OSBPL9: variants seen among roughly 807,000 people sequenced by gnomAD.
OSBPL9 encodes oxysterol-binding protein-related protein 9.
A neutral mutation model predicts 106.6 loss-of-function variants in OSBPL9; 40 were observed. The observed-to-expected ratio is 0.38, with a 90% CI of 0.29 to 0.49. The LOEUF is 0.49. Ranked by LOEUF, OSBPL9 falls within the 20% of genes least tolerant of loss-of-function variation. The pLI is 0.97. For synonymous variants in OSBPL9, 269 were observed against 295.4 expected (o/e 0.91, Z 0.92); for missense variants, 609 against 887.2 (o/e 0.69, Z 3.98).
At chr1:51,785,672 G>T (rs1324406562) in intron 20 of OSBPL9, 136 bp from the exon 21 acceptor site, 3 of 681,558 alleles carry the variant, frequency 4.4e-6, no homozygotes, top group East Asian at 5.6e-5. Context: ...GGGGAGTCCA[G>T]TTCTGTTAAG....
chr1:51,782,490 T>G, intron 16 of OSBPL9, 69 bp from the exon 17 acceptor site: 2 of 1,395,202 alleles, frequency 1.4e-6, no homozygotes, highest in Non-Finnish European at 2.0e-6. Context: ...GAGACCCCAA[T>G]TACCAGATTC....
At chr1:51,571,687 G>C in the OSBPL9 span, among the ~76,000 whole-genome samples, 1 of 152,004 alleles carries the variant, frequency 6.6e-6, no homozygotes, top group African/African-American at 2.4e-5. Flanking sequence ...AAACAAAATT[G>C]AACAAAGTAT....
At chr1:51,650,861 A>G (rs1241481069) in intron 1 of OSBPL9, among the ~76,000 whole-genome samples, 1 of 152,250 alleles carries the variant, frequency 6.6e-6, no homozygotes, top group Admixed American at 6.5e-5. Context: ...ATGTAAACAT[A>G]GCACTTTTGC....
Position 51,781,268 on chromosome 1 carries a change from A to G in OSBPL9, c.1361A>G (p.Tyr454Cys), listed in dbSNP as rs1446310461. The part of the protein sequence containing the change: ...GRKGSVAKKP[Y>C]NPILGEIFQC... ...AAAGGATCAGTTGCCAAAAAGCCATACAATCCCATTTTGGGCGAGATTTTT... is the reference window on the plus strand; with the variant it reads ...AAAGGATCAGTTGCCAAAAAGCCATGCAATCCCATTTTGGGCGAGATTTTT... Residue 454 changes from tyrosine (Y) to cysteine (C), a missense_variant, in exon 16 of 24, where the codon TAC becomes TGC. Around this residue, in one of 5 missense-constraint regions of OSBPL9, gnomAD observed 356 missense variants for 505.8 expected, o/e 0.70. Coordinates refer to ENST00000428468, the MANE Select transcript of OSBPL9 (RefSeq NM_024586.6). 2 of 1,614,182 alleles carry G rather than the reference A, an allele frequency of 1.2e-6. No individual in the cohort carries two copies. Among genetic ancestry groups the G allele is most frequent in the Non-Finnish European group, 1.7e-6 (2 of 1,180,012 alleles).
the OSBPL9 span, chr1:51,569,729 G>A: frequency 6.6e-6 from 1 of 152,136 alleles, no homozygotes; most frequent in African/African-American, 2.4e-5. Context: ...ATAAAACTTG[G>A]CATGTTCACT....
chr1:51,540,831 C>T, the OSBPL9 span, among the ~76,000 whole-genome samples: 2 of 150,818 alleles, frequency 1.3e-5, no homozygotes, highest in Admixed American at 6.6e-5. Flanking sequence ...GGGTGGTGGG[C>T]GTCTGTAATC....
the OSBPL9 span, among the ~76,000 whole-genome samples, chr1:51,564,253 A>G: frequency 5.3e-5 from 8 of 152,034 alleles, no homozygotes; most frequent in African/African-American, 1.9e-4. Context: ...AGCACTTCCA[A>G]TCCCTCCTCT....
At chr1:51,783,879 G>A in intron 17 of OSBPL9, 36 bp from the exon 18 acceptor site, 5 of 1,443,828 alleles carry the variant, frequency 3.5e-6, no homozygotes, top group Non-Finnish European at 4.9e-6. Flanking sequence ...GTGGCTGTAG[G>A]TATATATAAT....
At chr1:51,656,694 T>C (rs1646839097) in intron 2 of OSBPL9, among the ~76,000 whole-genome samples, 1 of 147,616 alleles carries the variant, frequency 6.8e-6, no homozygotes, top group Non-Finnish European at 1.5e-5. Context: ...AGGATCTTGC[T>C]CTTTACCCAG....
the OSBPL9 span, among the ~76,000 whole-genome samples, chr1:51,535,833 CT>C: frequency 2.6e-5 from 4 of 152,054 alleles, no homozygotes; most frequent in South Asian, 8.3e-4. Context: ...TACCAAAGTG[CT>C]GGGATTACAG....
At chr1:51,657,649 G>T (rs1646896252) in intron 2 of OSBPL9, among the ~76,000 whole-genome samples, 1 of 152,198 alleles carries the variant, frequency 6.6e-6, no homozygotes, top group Admixed American at 6.5e-5. Context: ...CTTTGTGTTG[G>T]TTATGAAGTG....
intron 9 of OSBPL9, chr1:51,759,860 A>C (rs1286668764): frequency 6.6e-6 from 1 of 151,888 alleles, no homozygotes. Context: ...TCTTCTCTAC[A>C]CTCCCCAGTT....
chr1:51,714,371 G>A (rs1352021286), intron 4 of OSBPL9, among the ~76,000 whole-genome samples: 1 of 152,180 alleles, frequency 6.6e-6, no homozygotes, highest in Non-Finnish European at 1.5e-5. Context: ...TTTAATATCT[G>A]TAGTCAGTTA....
chr1:51,635,609 G>A (rs1455162217), intron 1 of OSBPL9, among the ~76,000 whole-genome samples: 1 of 152,106 alleles, frequency 6.6e-6, no homozygotes. Context: ...CAGAACTTGG[G>A]CTACTATTTA....
intron 12 of OSBPL9, among the ~76,000 whole-genome samples, 193 bp from the exon 13 acceptor site, chr1:51,771,877 T>TC (rs1372681002): frequency 2.0e-5 from 3 of 152,232 alleles, no homozygotes; most frequent in African/African-American, 7.2e-5. Context: ...TTTGATGACT[T>TC]CTAGGTCTTG....
At chr1:51,632,435 A>G (rs1161689979) in intron 1 of OSBPL9, among the ~76,000 whole-genome samples, 2 of 152,210 alleles carry the variant, frequency 1.3e-5, no homozygotes, top group African/African-American at 4.8e-5. Context: ...TGGGTGATCA[A>G]GGTCTAACTT....
chr1:51,637,489 T>C (rs958778573), intron 1 of OSBPL9, among the ~76,000 whole-genome samples: 5 of 151,990 alleles, frequency 3.3e-5, no homozygotes, highest in African/African-American at 7.2e-5. Flanking sequence ...AATAAATAAA[T>C]AAAACTAAAT....
upstream of OSBPL9, among the ~76,000 whole-genome samples, chr1:51,573,350 A>C (rs1472211993): frequency 6.6e-6 from 1 of 151,240 alleles, no homozygotes; most frequent in East Asian, 1.9e-4. Context: ...CTCTACTAAA[A>C]ATACAAAATT....
At chr1:51,612,484 G>A (rs1238824967), upstream of OSBPL9, among the ~76,000 whole-genome samples, 1 of 152,154 alleles carries the variant, frequency 6.6e-6, no homozygotes, top group East Asian at 1.9e-4. Flanking sequence ...CAAGATGCCA[G>A]TCACTGAGGA....
Sources: allele counts gnomAD v4.1 joint callset (sites outside exome capture counted in the v4.1 genomes callset), GRCh38; gene constraint gnomAD v4.1.1; regional missense constraint gnomAD v4.1.1; transcripts MANE v1.5; gene names NCBI Gene and HGNC (gene_info 2026-07-23, HGNC 2026-07-21).